NRAP: variants seen among roughly 807,000 people sequenced by gnomAD.
The protein encoded by NRAP is nebulin-related-anchoring protein.
In NRAP, 189 loss-of-function variants were observed where a neutral mutation model predicts 225.9. That is an observed-to-expected ratio of 0.84 (90% CI 0.74 to 0.94). The LOEUF is 0.94. Ranked by LOEUF, NRAP falls within the 40% of genes least tolerant of loss-of-function variation. The pLI is 0.00. For missense variants in NRAP, 2,176 were observed against 2,168.7 expected (o/e 1.00, Z -0.07); for synonymous variants, 769 against 790.7 (o/e 0.97, Z 0.46).
intron 26 of NRAP, among the ~76,000 whole-genome samples, chr10:113,616,894 C>T (rs1372742483): frequency 1.3e-5 from 2 of 152,038 alleles, no homozygotes; most frequent in Non-Finnish European, 2.9e-5. Flanking sequence ...CTCCAGCCGA[C>T]CCTGCAACCC....
intron 36 of NRAP, 112 bp downstream of exon 36, chr10:113,597,857 A>C: frequency 1.3e-6 from 1 of 776,254 alleles, no homozygotes; most frequent in Non-Finnish European, 2.3e-6. Flanking sequence ...AAATACTGGG[A>C]GTCCAGTGGC....
At chr10:113,607,397 G>A (rs1416557086) in intron 32 of NRAP, among the ~76,000 whole-genome samples, 9 of 35,348 alleles carry the variant, frequency 2.5e-4, no homozygotes, top group Non-Finnish European at 3.0e-4. Context: ...GCGAAACTCC[G>A]TCAAAAAAAA....
intron 14 of NRAP, among the ~76,000 whole-genome samples, chr10:113,637,191 T>G (rs1322562301): frequency 6.6e-6 from 1 of 152,202 alleles, no homozygotes; most frequent in Non-Finnish European, 1.5e-5. Context: ...GTACTTACTA[T>G]GCACCCAGCA....
chr10:113,628,840 G>C (rs1848421757), intron 20 of NRAP, 77 bp downstream of exon 20: 1 of 772,940 alleles, frequency 1.3e-6, no homozygotes, highest in Admixed American at 2.5e-5. Context: ...TAGAGAAAGG[G>C]AATTAGAGGC....
At position 113,651,892 on chromosome 10, in the gene NRAP, C is replaced by T; in HGVS notation, c.586G>A (p.Gly196Arg). 1.2e-6 allele frequency: 2 copies of T among 1,610,092 alleles called. No homozygotes were observed. Among genetic ancestry groups the T allele is most frequent in the Non-Finnish European group, 1.7e-6 (2 of 1,176,428 alleles). ...AACCTGGAGATGCGTTCATCATGCCCTCTCTTATACTCCACCTGATGAGAA... is the reference window on the plus strand; with the variant it reads ...AACCTGGAGATGCGTTCATCATGCCTTCTCTTATACTCCACCTGATGAGAA... ...QLASQVEYKRGHDERISRFST... is the reference protein window; with the variant it reads ...QLASQVEYKRRHDERISRFST... Residue 196 changes from glycine (G) to arginine (R), a missense_variant, in exon 7 of 42, where the codon GGG (glycine) becomes AGG (arginine). Transcript: ENST00000359988.
At chr10:113,619,479 C>A (rs1239502612) in intron 25 of NRAP, among the ~76,000 whole-genome samples, 1 of 152,162 alleles carries the variant, frequency 6.6e-6, no homozygotes, top group African/African-American at 2.4e-5. Flanking sequence ...CATAAGGCCA[C>A]TTTTTGAAGT....
intron 12 of NRAP, 37 bp from the exon 13 acceptor site, chr10:113,641,509 C>T (rs1256790358): frequency 5.6e-6 from 7 of 1,245,154 alleles, no homozygotes; most frequent in Non-Finnish European, 8.3e-6. Context: ...CAAAGCATTC[C>T]CTTCACAAGT....
intron 35 of NRAP, among the ~76,000 whole-genome samples, chr10:113,599,920 G>A (rs1363045173): frequency 2.0e-5 from 3 of 152,148 alleles, no homozygotes; most frequent in Admixed American, 6.5e-5. Flanking sequence ...GGGGTTACCC[G>A]GCACCCCCAT....
chr10:113,632,763 C>T (rs1848643047), intron 16 of NRAP, among the ~76,000 whole-genome samples: 1 of 151,910 alleles, frequency 6.6e-6, no homozygotes, highest in Non-Finnish European at 1.5e-5. Flanking sequence ...GATTGATCTT[C>T]TTAAAACTTA....
intron 9 of NRAP, among the ~76,000 whole-genome samples, chr10:113,647,304 C>G (rs1358826563): frequency 6.6e-6 from 1 of 152,094 alleles, no homozygotes; most frequent in East Asian, 1.9e-4. Context: ...CACTCTACCA[C>G]TCTCCCAGGC....
chr10:113,646,565 C>T (rs4578316), intron 10 of NRAP, among the ~76,000 whole-genome samples: 42,588 of 152,094 alleles, frequency 0.28, 6,387 homozygotes, highest in East Asian at 0.44. Flanking sequence ...ATTTCATCAC[C>T]GGGTTACACC....
intron 21 of NRAP, among the ~76,000 whole-genome samples, chr10:113,625,632 TTC>T: frequency 6.6e-6 from 1 of 152,314 alleles, no homozygotes; most frequent in South Asian, 2.1e-4. Context: ...TGTGTGGTGC[TTC>T]TTTGTTCTGG....
At position 113,617,545 on chromosome 10, in the gene NRAP, G is replaced by C; in HGVS notation, c.2883C>G (p.Tyr961Ter). Residue 961 changes from tyrosine to a stop codon, truncating the protein, a stop_gained, in exon 26 of 42, where the codon TAC becomes TAG. Transcript: ENST00000359988. LOFTEE classifies it high-confidence loss of function. ...ACTTCAAAGCATCTGGATGCTGACG[G>C]TACTTCTTCTGTTGAGCAGAAAAAG... is the stretch of plus-strand genomic sequence containing the variant. ...KAGELISEKK[Y>*]RQHPDALKFT... 1.9e-6 allele frequency: 3 copies of C among 1,600,656 alleles called. No individual in the cohort carries two copies. Among genetic ancestry groups the C allele is most frequent in the Non-Finnish European group, 1.7e-6 (2 of 1,167,758 alleles).
chr10:113,603,010 A>T (rs1320569415), intron 35 of NRAP, among the ~76,000 whole-genome samples: 1 of 152,238 alleles, frequency 6.6e-6, no homozygotes, highest in Non-Finnish European at 1.5e-5. Context: ...ACAAACAATT[A>T]GCCTGCAAAA....
At chr10:113,617,987 G>T (rs1283542389) in intron 25 of NRAP, among the ~76,000 whole-genome samples, 1 of 152,114 alleles carries the variant, frequency 6.6e-6, no homozygotes, top group African/African-American at 2.4e-5. Context: ...CATTATTGCA[G>T]TCAAAACCCT....
chr10:113,620,560 G>A (rs1045098630), intron 25 of NRAP, 44 bp downstream of exon 25: 14 of 1,200,702 alleles, frequency 1.2e-5, no homozygotes, highest in East Asian at 4.6e-5. Flanking sequence ...GACGCCGCAC[G>A]CCTAATGCAG....
At chr10:113,649,035 C>T (rs534435623) in intron 9 of NRAP, among the ~76,000 whole-genome samples, 1 of 152,194 alleles carries the variant, frequency 6.6e-6, no homozygotes, top group East Asian at 1.9e-4. Flanking sequence ...ATTTAAAATA[C>T]AAAACCAGTA....
In NRAP at chr10:113,621,943, C is replaced by T; in HGVS notation, c.2695G>A (p.Glu899Lys). 1 of 1,614,186 alleles carries T rather than the reference C, an allele frequency of 6.2e-7. No individual in the cohort carries two copies. Residue 899 changes from glutamate (E) to lysine (K), a missense_variant, in exon 24 of 42, where the codon GAA becomes AAA. Glu to Lys is a moderately conservative substitution (Grantham distance 56). Around this residue, in one of 3 missense-constraint regions of NRAP, gnomAD observed 1,708 missense variants for 1,695.5 expected, o/e 1.01. Transcript: ENST00000359988. ...LATDVGYKTA[E>K]HHFTALPTDM... is the part of the protein sequence containing the mutation. ...GTGGGCAAAGCCGTAAAGTGATGTT[C>T]CGCTGTCTTGTAGCCTACGTCTGTG... is the stretch of plus-strand genomic sequence containing the variant.
intron 30 of NRAP, 99 bp downstream of exon 30, chr10:113,612,135 A>T: frequency 1.1e-6 from 1 of 924,818 alleles, no homozygotes; most frequent in Non-Finnish European, 1.7e-6. Context: ...AGGATTTCTC[A>T]CTTCCAGAGA....
Sources: allele counts gnomAD v4.1 joint callset (sites outside exome capture counted in the v4.1 genomes callset), GRCh38; gene constraint gnomAD v4.1.1; regional missense constraint gnomAD v4.1.1; transcripts MANE v1.5; gene names NCBI Gene and HGNC (gene_info 2026-07-23, HGNC 2026-07-21).